Variants in PRKAG1 observed in about 807,000 individuals in gnomAD.
The protein encoded by PRKAG1 is protein kinase AMP-activated non-catalytic subunit gamma 1, also known as 5'-AMP-activated protein kinase subunit gamma-1.
PRKAG1 carries 27 observed loss-of-function variants against 48.2 expected under a neutral mutation model. The ratio of observed to expected loss-of-function variants is 0.56; its 90% CI spans 0.41 to 0.77. The LOEUF is 0.77. Among genes scored for constraint, PRKAG1 ranks in the 30% least tolerant of loss-of-function variants. The pLI, the probability that PRKAG1 is intolerant of heterozygous loss-of-function variation, is 0.00. For missense variants in PRKAG1, 287 were observed against 398.3 expected (o/e 0.72, Z 2.38); for synonymous variants, 130 against 147.7 (o/e 0.88, Z 0.87).
chr12:49,016,181 C>T (rs990424396), intron 1 of PRKAG1, among the ~76,000 whole-genome samples: 5 of 152,130 alleles, frequency 3.3e-5, no homozygotes, highest in African/African-American at 7.2e-5. Flanking sequence ...TCAAGCGATC[C>T]GGCCACCTTG....
intron 1 of PRKAG1, chr12:49,017,149 G>T (rs1182759157): frequency 2.2e-6 from 1 of 455,938 alleles, no homozygotes; most frequent in South Asian, 1.5e-5. Flanking sequence ...TTGCTGGCTT[G>T]CCCTCACCAT....
At chr12:49,016,003 C>A (rs991319061) in intron 1 of PRKAG1, among the ~76,000 whole-genome samples, 1 of 150,586 alleles carries the variant, frequency 6.6e-6, no homozygotes, top group Non-Finnish European at 1.5e-5. Flanking sequence ...TGGAGTGCAG[C>A]GGCATGATCA....
chr12:49,003,379 G>C, intron 10 of PRKAG1, 89 bp from the exon 11 acceptor site: 1 of 1,571,692 alleles, frequency 6.4e-7, no homozygotes. Flanking sequence ...AGGGATTCAG[G>C]GCAATTGTCA....
At chr12:49,009,510 T>C (rs1012993120) in intron 2 of PRKAG1, 1 of 152,216 alleles carries the variant, frequency 6.6e-6, no homozygotes, top group Non-Finnish European at 1.5e-5. Flanking sequence ...TTTGCTACTA[T>C]ATTTTTAATT....
At chr12:49,015,574 C>CT (rs554028714) in intron 1 of PRKAG1, among the ~76,000 whole-genome samples, 1 of 151,290 alleles carries the variant, frequency 6.6e-6, no homozygotes, top group African/African-American at 2.4e-5. Context: ...GCATATGTGA[C>CT]TTTTTTTTTG....
chr12:49,010,808 T>C (rs1941725842), intron 2 of PRKAG1, among the ~76,000 whole-genome samples: 1 of 151,974 alleles, frequency 6.6e-6, no homozygotes, highest in Non-Finnish European at 1.5e-5. Flanking sequence ...TTTATGGTGG[T>C]TTTAGGGGAG....
At position 49,005,317 on chromosome 12, in the gene PRKAG1, T is replaced by C; in HGVS notation, c.298A>G (p.Lys100Glu). Residue 100 changes from lysine to glutamate, a missense_variant, in exon 5 of 12, where the codon AAA becomes GAA. Physicochemically the swap from Lys to Glu is moderately conservative, Grantham distance 56. Around this residue, in one of 2 missense-constraint regions of PRKAG1, gnomAD observed 224 missense variants for 344.3 expected, o/e 0.65. Transcript: ENST00000548065. This position sits in a 1 kb window ranked among gnomAD's most constrained non-coding sequence, Gnocchi z 4.1. Reference protein sequence around the residue: ...DFINILHRYYKSALVQIYELE... With the variant: ...DFINILHRYYESALVQIYELE... The stretch of plus-strand genomic sequence containing the variant: ...TTAAGGTTCCTTACCAAGGCTGATT[T>C]ATAGTAGCGGTGCAGGATATTGATG... 6.2e-7 allele frequency: 1 copy of C among 1,614,170 alleles called. No individual in the cohort carries two copies. The highest frequency in any genetic ancestry group is 8.5e-7 in the Non-Finnish European group (1 of 1,180,042).
chr12:49,008,963 A>G (rs1366848655), intron 2 of PRKAG1, among the ~76,000 whole-genome samples: 1 of 152,060 alleles, frequency 6.6e-6, no homozygotes, highest in Non-Finnish European at 1.5e-5. Context: ...TAATGTCCTC[A>G]AGTTCCAATA....
At chr12:49,004,049 G>A (rs942597422) in intron 8 of PRKAG1, 127 bp from the exon 9 acceptor site, 16 of 1,281,488 alleles carry the variant, frequency 1.2e-5, no homozygotes, top group Non-Finnish European at 1.7e-5. Flanking sequence ...CAGCACTTTG[G>A]GAGGCTGAGG....
chr12:49,009,886 T>C (rs1449781027), intron 2 of PRKAG1, among the ~76,000 whole-genome samples: 4 of 152,240 alleles, frequency 2.6e-5, no homozygotes, highest in Admixed American at 2.6e-4. Context: ...GTGCTGGGAT[T>C]ACAGGCGTGA....
At chr12:49,018,488 G>A in intron 1 of PRKAG1, 5 of 1,388,134 alleles carry the variant, frequency 3.6e-6, no homozygotes, top group Non-Finnish European at 3.7e-6. Flanking sequence ...AGGGAGCCAG[G>A]AGTCACTGCC....
At position 49,009,098 on chromosome 12, in the gene PRKAG1, G is replaced by C. The variant is rs956104643; in HGVS notation, c.59-3246C>G. On this transcript the variant is annotated intron_variant, in intron 2 of 11. Coordinates refer to ENST00000548065, the MANE Select transcript of PRKAG1 (RefSeq NM_002733.5). Reference sequence around the variant, plus strand: ...CCTTTAAATGTTTGTTTGTTTTGTGGGTTGTTGGAATCTTTCCTCTCCTTT... The same window carrying C: ...CCTTTAAATGTTTGTTTGTTTTGTGCGTTGTTGGAATCTTTCCTCTCCTTT... 1.7e-4 allele frequency among the ~76,000 whole-genome samples: 26 copies of C among 149,320 alleles called. 1 individual carries two copies.
intron 1 of PRKAG1, among the ~76,000 whole-genome samples, chr12:49,015,659 G>A (rs1217207016): frequency 1.3e-5 from 2 of 151,914 alleles, no homozygotes; most frequent in Non-Finnish European, 2.9e-5. Flanking sequence ...TGTAATCTCC[G>A]CCTCCGGGGT....
intron 2 of PRKAG1, among the ~76,000 whole-genome samples, chr12:49,012,188 C>T (rs1372059647): frequency 6.6e-6 from 1 of 152,142 alleles, no homozygotes; most frequent in African/African-American, 2.4e-5. Flanking sequence ...ATGTAGTTCA[C>T]TTCACTGCTT....
In PRKAG1 at chr12:49,003,107, C is replaced by T. The variant is rs900147266; in HGVS notation, c.888+37G>A. ...TTGCCAAACCCCACTCTCAAGGCTG[C>T]TCCCCTCAGCTCCTTTAGGGTTGCT... On this transcript the variant is annotated intron_variant, in intron 11 of 11. Coordinates refer to ENST00000548065, the MANE Select transcript of PRKAG1 (RefSeq NM_002733.5). The T allele has an allele frequency of 5.6e-6, 9 of 1,613,720 alleles. No individual in the cohort carries two copies. In the Admixed American group the frequency reaches 1.5e-4, roughly 27 times the overall value.
In PRKAG1 at chr12:49,013,051, A is replaced by G. The variant is rs368887364; in HGVS notation, c.58+11T>C. 6.2e-7 allele frequency: 1 copy of G among 1,608,634 alleles called. No individual in the cohort carries two copies. Among genetic ancestry groups the G allele is most frequent in the Middle Eastern group, 1.7e-4 (1 of 6,048 alleles). On this transcript the variant is annotated intron_variant, in intron 2 of 11. Coordinates refer to ENST00000548065, the MANE Select transcript of PRKAG1 (RefSeq NM_002733.5). The stretch of plus-strand genomic sequence containing the variant: ...TTTTCATGCCCAGTTTCCTTTCTTC[A>G]GTAAACTTACCTTGAGGATGCTCAT...
chr12:49,004,011 T>G, intron 8 of PRKAG1, 89 bp from the exon 9 acceptor site: 1 of 1,493,078 alleles, frequency 6.7e-7, no homozygotes, highest in Non-Finnish European at 8.9e-7. Flanking sequence ...AAATAAGGGC[T>G]GGGTGCGCCG....
rs544963694 is a variant in PRKAG1, at chr12:49,010,257, T to C, written c.58+2805A>G. Among the ~76,000 whole-genome samples the C allele has an allele frequency of 2.6e-5, 4 of 152,282 alleles. No individual in the cohort carries two copies. In the South Asian group the frequency reaches 6.2e-4, roughly 24 times the overall value. Reference sequence around the variant, plus strand: ...AAACCATAACTTAAGAGTGGAGGCTTTAAAGCTGAGTGGAAGCTCTAAGTG... The same window carrying C: ...AAACCATAACTTAAGAGTGGAGGCTCTAAAGCTGAGTGGAAGCTCTAAGTG... On this transcript the variant is annotated intron_variant, in intron 2 of 11. Coordinates refer to ENST00000548065, the MANE Select transcript of PRKAG1 (RefSeq NM_002733.5).
At chr12:49,003,061 G>A in intron 11 of PRKAG1, 55 bp from the exon 12 acceptor site, 1 of 1,612,524 alleles carries the variant, frequency 6.2e-7, no homozygotes, top group South Asian at 1.1e-5. Context: ...CTCAGGGGAA[G>A]CCCCTCTGCC....
Sources: gnomAD v4.1 joint callset for allele counts (sites outside exome capture counted in the v4.1 genomes callset) on GRCh38, gnomAD v4.1.1 for gene constraint, gnomAD v4.1.1 regional missense constraint, Gnocchi (gnomAD v3.1) non-coding constraint, MANE v1.5 for transcripts, NCBI Gene and HGNC (gene_info 2026-07-23, HGNC 2026-07-21) for gene names.